FOXP1: variants seen among roughly 807,000 people sequenced by gnomAD.
The protein encoded by FOXP1 is forkhead box P1.
In FOXP1, 15 loss-of-function variants were observed where a neutral mutation model predicts 98.2. The ratio of observed to expected loss-of-function variants is 0.15; its 90% CI spans 0.10 to 0.24. The LOEUF is 0.24. Ranked by LOEUF, FOXP1 falls within the 10% of genes least tolerant of loss-of-function variation. The pLI is 1.00. For synonymous variants in FOXP1, 371 were observed against 314.5 expected (o/e 1.18, Z -1.90); for missense variants, 633 against 848.5 (o/e 0.75, Z 3.15).
intron 3 of FOXP1, among the ~76,000 whole-genome samples, chr3:71,427,974 A>T (rs2084318437): frequency 6.6e-6 from 1 of 152,222 alleles, no homozygotes; most frequent in African/African-American, 2.4e-5. Context: ...AGATCAGCTC[A>T]AAACAGGGCT....
chr3:71,115,633 A>T (rs978992510), intron 6 of FOXP1, among the ~76,000 whole-genome samples: 17 of 151,598 alleles, frequency 1.1e-4, no homozygotes, highest in Admixed American at 1.1e-3. Flanking sequence ...CACTGCACCC[A>T]GTCTCAATTT....
intron 5 of FOXP1, among the ~76,000 whole-genome samples, chr3:71,261,780 G>A (rs1485717353): frequency 6.6e-6 from 1 of 152,116 alleles, no homozygotes; most frequent in African/African-American, 2.4e-5. Context: ...ATCTTTCATT[G>A]TGAATTACCT....
intron 4 of FOXP1, among the ~76,000 whole-genome samples, chr3:71,306,206 G>T (rs2074259997): frequency 1.3e-5 from 2 of 152,116 alleles, no homozygotes; most frequent in African/African-American, 4.8e-5. Flanking sequence ...TATTCCAGGG[G>T]ACACCACTAA....
At chr3:71,045,505 T>G (rs995702935) in intron 10 of FOXP1, among the ~76,000 whole-genome samples, 3 of 152,178 alleles carry the variant, frequency 2.0e-5, no homozygotes, top group Non-Finnish European at 4.4e-5. Flanking sequence ...TAACACACGC[T>G]ATGACATTCT....
chr3:71,451,594 C>A (rs1337100501), intron 3 of FOXP1, among the ~76,000 whole-genome samples: 1 of 151,882 alleles, frequency 6.6e-6, no homozygotes, highest in Admixed American at 6.6e-5. Context: ...AAATACAAAG[C>A]CAATTAAATA....
chr3:71,561,493 G>C (rs1466423373), intron 2 of FOXP1, among the ~76,000 whole-genome samples: 2 of 149,902 alleles, frequency 1.3e-5, no homozygotes, highest in African/African-American at 2.5e-5. Context: ...CAGTATTTTA[G>C]ATGAAATAGG....
intron 6 of FOXP1, among the ~76,000 whole-genome samples, chr3:71,152,603 G>T (rs1449198078): frequency 1.3e-5 from 2 of 152,102 alleles, no homozygotes; most frequent in African/African-American, 4.8e-5. Context: ...ACACAGACCT[G>T]CTCCTGTGCC....
chr3:71,210,679 G>T (rs1236268684), intron 5 of FOXP1: 1 of 152,206 alleles, frequency 6.6e-6, no homozygotes, highest in Non-Finnish European at 1.5e-5. Flanking sequence ...AACGTTCTCA[G>T]ATTCCGTGCT....
chr3:71,270,357 G>A (rs569984339), intron 5 of FOXP1, among the ~76,000 whole-genome samples: 2 of 152,222 alleles, frequency 1.3e-5, no homozygotes, highest in South Asian at 2.1e-4. Flanking sequence ...GTGCCTCTAC[G>A]ACAAGGCAGA....
At chr3:71,360,941 G>C (rs2078518973) in intron 3 of FOXP1, among the ~76,000 whole-genome samples, 1 of 152,020 alleles carries the variant, frequency 6.6e-6, no homozygotes, top group South Asian at 2.1e-4. Flanking sequence ...GTTCCCAGTG[G>C]GTGTCTCTTC....
Position 71,182,569 on chromosome 3 carries a change from A to G in FOXP1, c.180+15633T>C, listed in dbSNP as rs1472503193. Among the ~76,000 whole-genome samples the G allele has an allele frequency of 3.0e-5, 4 of 134,364 alleles. No homozygotes were observed. The South Asian group carries it at 6.9e-4, about 23-fold the overall frequency. The allele number at this position is 134,364 out of a possible 152,430, so 88.1% of individuals were successfully genotyped here. On this transcript the variant is annotated intron_variant, in intron 6 of 20. Coordinates refer to ENST00000649528, the MANE Select transcript of FOXP1 (RefSeq NM_001349338.3). ...ATATTCTTTTTTTTTTTTTTTTAGT[A>G]GAGACAGGGTCTTGCTGTCACCAGT...
At chr3:71,112,225 TG>T in intron 7 of FOXP1, among the ~76,000 whole-genome samples, 1 of 152,170 alleles carries the variant, frequency 6.6e-6, no homozygotes, top group Non-Finnish European at 1.5e-5. Flanking sequence ...CATAAGAGAA[TG>T]TGGTGACAAT....
chr3:71,397,884 C>T (rs932710751), intron 3 of FOXP1, among the ~76,000 whole-genome samples: 2 of 152,026 alleles, frequency 1.3e-5, no homozygotes, highest in Admixed American at 6.6e-5. Context: ...AACTGTTCTC[C>T]GTATAACATT....
chr3:71,127,610 C>A (rs935172591), intron 6 of FOXP1, among the ~76,000 whole-genome samples: 2 of 152,228 alleles, frequency 1.3e-5, no homozygotes, highest in Non-Finnish European at 2.9e-5. Flanking sequence ...GTGGTCAGGG[C>A]TGACTATGTC....
chr3:70,968,185 G>A (rs974176897), intron 19 of FOXP1, among the ~76,000 whole-genome samples: 3 of 151,238 alleles, frequency 2.0e-5, no homozygotes, highest in African/African-American at 7.4e-5. Context: ...AGGCAAGAAC[G>A]ATGTAAGTGA....
chr3:71,229,272 T>C, intron 5 of FOXP1, among the ~76,000 whole-genome samples: 1 of 152,212 alleles, frequency 6.6e-6, no homozygotes, highest in Admixed American at 6.5e-5. Context: ...TACTAGTAAG[T>C]GTACTTAAAG....
intron 5 of FOXP1, among the ~76,000 whole-genome samples, chr3:71,212,950 AT>A (rs2064608010): frequency 2.8e-4 from 2 of 7,196 alleles, no homozygotes; most frequent in South Asian, 5.4e-3. Flanking sequence ...CAAAATGGGA[AT>A]ATATATATAT....
chr3:71,019,055 A>T (rs1396776354), intron 11 of FOXP1, among the ~76,000 whole-genome samples: 3 of 152,290 alleles, frequency 2.0e-5, no homozygotes, highest in African/African-American at 7.2e-5. Context: ...TCATTGGACA[A>T]CACCAGCTGC....
intron 6 of FOXP1, among the ~76,000 whole-genome samples, chr3:71,118,082 G>A (rs1211687430): frequency 6.6e-6 from 1 of 152,164 alleles, no homozygotes; most frequent in East Asian, 1.9e-4. Context: ...ACAAGGAGTT[G>A]GAACTGCCCG....
Sources: allele counts gnomAD v4.1 joint callset (sites outside exome capture counted in the v4.1 genomes callset), GRCh38; gene constraint gnomAD v4.1.1; transcripts MANE v1.5; gene names NCBI Gene and HGNC (gene_info 2026-07-23, HGNC 2026-07-21).